L3MBTL4: variants seen among roughly 807,000 people sequenced by gnomAD.
The protein encoded by L3MBTL4 is lethal(3)malignant brain tumor-like protein 4.
A neutral mutation model predicts 84.5 loss-of-function variants in L3MBTL4; 70 were observed. That is an observed-to-expected ratio of 0.83 (90% confidence interval 0.68 to 1.01). L3MBTL4 has a LOEUF of 1.01. Ranked by LOEUF, L3MBTL4 falls within the 50% of genes least tolerant of loss-of-function variation. L3MBTL4 has a pLI of 0.00. For missense variants in L3MBTL4, 715 were observed against 754.8 expected, an observed-to-expected ratio of 0.95 and a Z score of 0.62; for synonymous variants, 274 against 259.8, an observed-to-expected ratio of 1.05 and a Z score of -0.52.
intron 5 of L3MBTL4, among the ~76,000 whole-genome samples, chr18:6,254,979 A>T (rs1189187827): frequency 6.6e-6 from 1 of 152,230 alleles, no homozygotes; most frequent in Non-Finnish European, 1.5e-5. Context: ...TTCATAATAC[A>T]GGACTGCACA....
chr18:6,306,128 G>A (rs1034978378), intron 3 of L3MBTL4, among the ~76,000 whole-genome samples: 1 of 152,170 alleles, frequency 6.6e-6, no homozygotes, highest in African/African-American at 2.4e-5. Flanking sequence ...TAACCCCAGT[G>A]ACAAACTGCT....
intron 14 of L3MBTL4, among the ~76,000 whole-genome samples, chr18:6,104,631 T>G (rs1271048749): frequency 6.6e-6 from 1 of 152,210 alleles, no homozygotes; most frequent in African/African-American, 2.4e-5. Context: ...ACCCAGATGA[T>G]TAAGTTCTAG....
chr18:6,272,425 C>A (rs189420559), intron 4 of L3MBTL4, among the ~76,000 whole-genome samples: 3 of 148,652 alleles, frequency 2.0e-5, no homozygotes, highest in African/African-American at 7.4e-5. Flanking sequence ...TCAACTAGGA[C>A]TGAATATAAG....
intron 1 of L3MBTL4, among the ~76,000 whole-genome samples, chr18:6,319,450 T>C (rs1286322740): frequency 1.3e-5 from 2 of 152,000 alleles, no homozygotes; most frequent in Non-Finnish European, 2.9e-5. Flanking sequence ...AATGATGACA[T>C]TACGACCAAA....
chr18:6,091,727 T>G (rs2058464944), intron 15 of L3MBTL4, among the ~76,000 whole-genome samples: 2 of 152,222 alleles, frequency 1.3e-5, no homozygotes, highest in African/African-American at 2.4e-5. Flanking sequence ...GCAATCATTT[T>G]TTTTAAGGCA....
At chr18:6,136,921 A>C (rs1035107985) in intron 14 of L3MBTL4, among the ~76,000 whole-genome samples, 3 of 152,222 alleles carry the variant, frequency 2.0e-5, no homozygotes, top group Admixed American at 6.5e-5. Context: ...CAATGTATAA[A>C]AACCCCAAGG....
rs572414598 is a variant in L3MBTL4 at position 6,291,759 on chromosome 18, T to C, written c.127+10144A>G. ...ACTATGAAGCTACTAGAAGAAAACA[T>C]TGAAGAAATGCTCCAGAACATTAGT... On this transcript the variant is annotated intron_variant, in intron 4 of 18. Transcript: ENST00000317931. Among the ~76,000 whole-genome samples the C allele has an allele frequency of 2.0e-5, 3 of 152,250 alleles. No individual in the cohort carries two copies. In the South Asian group the frequency reaches 6.2e-4, roughly 32 times the overall value.
chr18:6,390,683 G>A (rs61629820), intron 1 of L3MBTL4, among the ~76,000 whole-genome samples: 1,573 of 152,172 alleles, frequency 0.01, 26 homozygotes, highest in African/African-American at 0.035. Flanking sequence ...AAAATCCTTC[G>A]AGACTGCTAT....
At chr18:6,103,303 T>G (rs990846211) in intron 14 of L3MBTL4, among the ~76,000 whole-genome samples, 1 of 152,232 alleles carries the variant, frequency 6.6e-6, no homozygotes, top group African/African-American at 2.4e-5. Flanking sequence ...TGAACTTTTT[T>G]CTTAGTATAT....
chr18:6,213,187 C>A lies in L3MBTL4; in HGVS notation c.943G>T (p.Val315Phe), dbSNP rs2046184939. The part of the protein sequence containing the change: ...VDKRNPRLIR[V>F]ATIVDVDDQR... ...TCATCAACATCTACAATCGTAGCAACACGAATTAACCTGGGGTTCCGTTTA... is the reference window on the plus strand; with the variant it reads ...TCATCAACATCTACAATCGTAGCAAAACGAATTAACCTGGGGTTCCGTTTA... Residue 315 changes from valine (V) to phenylalanine (F), a missense_variant, in exon 12 of 19, where the codon GTT becomes TTT. By Grantham distance (50) the Val-to-Phe change is conservative (BLOSUM62 -1). Transcript: ENST00000317931. 1 of 1,609,168 alleles carries A rather than the reference C, an allele frequency of 6.2e-7. No individual in the cohort carries two copies. Among genetic ancestry groups the A allele is most frequent in the East Asian group, 2.2e-5 (1 of 44,744 alleles).
chr18:6,244,544 C>A lies in L3MBTL4; in HGVS notation c.264G>T (p.Met88Ile), dbSNP rs1303791585. Reference sequence around the variant, plus strand: ...GTCGGGGATCAATGCCTTCTAATCTCATTCCAATCTGAAAACCATTTTCAT... The same window carrying A: ...GTCGGGGATCAATGCCTTCTAATCTAATTCCAATCTGAAAACCATTTTCAT... ...PEHENGFQIG[M>I]RLEGIDPRHP... The change falls in exon 6 of 19, where the codon ATG becomes ATT. Residue 88 changes from methionine to isoleucine, a missense_variant. Met to Ile is a conservative substitution (Grantham distance 10). Coordinates refer to ENST00000317931, the MANE Select transcript of L3MBTL4 (RefSeq NM_001330559.2). 6.2e-7 allele frequency: 1 copy of A among 1,614,012 alleles called. No individual in the cohort carries two copies.
At chr18:6,373,852 A>T (rs1481265757) in intron 1 of L3MBTL4, among the ~76,000 whole-genome samples, 1 of 151,942 alleles carries the variant, frequency 6.6e-6, no homozygotes, top group Non-Finnish European at 1.5e-5. Flanking sequence ...CTTGAATGTG[A>T]CAGATTACTC....
intron 1 of L3MBTL4, among the ~76,000 whole-genome samples, chr18:6,352,060 A>G (rs1403931483): frequency 4.0e-5 from 6 of 151,666 alleles, no homozygotes; most frequent in Admixed American, 6.6e-5. Flanking sequence ...CTGCTACTAT[A>G]AGTGAATTTC....
At chr18:6,331,944 A>T (rs75307946) in intron 1 of L3MBTL4, among the ~76,000 whole-genome samples, 1 of 139,194 alleles carries the variant, frequency 7.2e-6, no homozygotes. Flanking sequence ...AGGCGAGATT[A>T]AAAAAAAAAA....
chr18:6,057,155 C>G (rs8095734), intron 16 of L3MBTL4, among the ~76,000 whole-genome samples: 1 of 151,794 alleles, frequency 6.6e-6, no homozygotes, highest in South Asian at 2.1e-4. Context: ...CTCAGCCTCT[C>G]GAGTATCTGG....
chr18:6,275,801 G>A (rs1449511692), intron 4 of L3MBTL4, among the ~76,000 whole-genome samples: 1 of 152,166 alleles, frequency 6.6e-6, no homozygotes, highest in Non-Finnish European at 1.5e-5. Context: ...ATCCAAGCGA[G>A]GTGCTCATTG....
At chr18:6,273,929 T>C (rs1225104706) in intron 4 of L3MBTL4, among the ~76,000 whole-genome samples, 2 of 152,232 alleles carry the variant, frequency 1.3e-5, no homozygotes, top group African/African-American at 4.8e-5. Flanking sequence ...CCTGCAAACT[T>C]GTTAGAAACG....
At chr18:6,356,264 C>T (rs1477697684) in intron 1 of L3MBTL4, among the ~76,000 whole-genome samples, 3 of 152,266 alleles carry the variant, frequency 2.0e-5, no homozygotes, top group Non-Finnish European at 4.4e-5. Flanking sequence ...ACCGCTCCCA[C>T]TCATGGAGAA....
intron 15 of L3MBTL4, among the ~76,000 whole-genome samples, chr18:6,092,763 G>T (rs1379689062): frequency 6.6e-6 from 1 of 152,152 alleles, no homozygotes; most frequent in Non-Finnish European, 1.5e-5. Context: ...ATCACACAAG[G>T]CTGTACTTGC....
Sources: allele counts gnomAD v4.1 joint callset (sites outside exome capture counted in the v4.1 genomes callset), GRCh38; gene constraint gnomAD v4.1.1; transcripts MANE v1.5; gene names NCBI Gene and HGNC (gene_info 2026-07-23, HGNC 2026-07-21).